PLA2G4A: variants seen among roughly 807,000 people sequenced by gnomAD.
PLA2G4A encodes the protein cytosolic phospholipase A2.
In PLA2G4A, 40 loss-of-function variants were observed where a neutral mutation model predicts 81.9. The ratio of observed to expected loss-of-function variants is 0.49; its 90% CI spans 0.38 to 0.64. The LOEUF (loss-of-function observed/expected upper bound fraction) is 0.64, where lower values mean the gene tolerates loss of function less well. PLA2G4A is among the 30% of genes least tolerant of loss of function. The pLI, the probability that PLA2G4A is intolerant of heterozygous loss-of-function variation, is 0.00. For missense variants in PLA2G4A, 715 were observed against 905.1 expected (o/e 0.79, Z 2.69); for synonymous variants, 302 against 296.9 (o/e 1.02, Z -0.18).
intron 5 of PLA2G4A, among the ~76,000 whole-genome samples, chr1:186,897,257 G>A (rs1052302024): frequency 1.3e-5 from 2 of 152,174 alleles, no homozygotes; most frequent in African/African-American, 2.4e-5. Context: ...TCCAAATGGA[G>A]ATGGGCAGAT....
rs1343002026 is a variant in PLA2G4A, at chr1:186,863,849, C to CAT, written c.34-6586_34-6585insAT. 2.6e-5 allele frequency among the ~76,000 whole-genome samples: 4 copies of CAT among 152,052 alleles called. No individual in the cohort carries two copies. The East Asian group carries it at 7.7e-4, about 29-fold the overall frequency. ...GATCTCAGCTCACTGTAACCTCCGC[C>CAT]TCCCGGGTTCAAGCCATTATCCTGT... On this transcript the variant is annotated intron_variant, in intron 2 of 17. Transcript: ENST00000367466.
In PLA2G4A at chr1:186,867,012, T is replaced by C. The variant is rs188920554; in HGVS notation, c.34-3423T>C. On this transcript the variant is annotated intron_variant, in intron 2 of 17. Transcript: ENST00000367466. ...CAAAGATCAGTTGACTTTATTTATG[T>C]GCGTCTGTTTTCTGTTCCATTGATC... Among the ~76,000 whole-genome samples, 575 of 152,290 alleles carry C rather than the reference T, an allele frequency of 3.8e-3. 7 individuals carry two copies. Among genetic ancestry groups the C allele is most frequent in the African/African-American group, 0.013 (544 of 41,578 alleles).
intron 14 of PLA2G4A, among the ~76,000 whole-genome samples, chr1:186,960,863 A>G (rs1656918255): frequency 2.0e-5 from 3 of 152,198 alleles, no homozygotes; most frequent in Admixed American, 6.5e-5. Context: ...GGAATGCGCA[A>G]TGTAATTGGC....
At chr1:186,852,178 C>T (rs1652399459) in intron 1 of PLA2G4A, among the ~76,000 whole-genome samples, 1 of 151,908 alleles carries the variant, frequency 6.6e-6, no homozygotes, top group South Asian at 2.1e-4. Context: ...CACAAAAAAC[C>T]TGCCTTCATA....
intron 14 of PLA2G4A, among the ~76,000 whole-genome samples, chr1:186,960,606 A>T (rs1308237420): frequency 6.6e-6 from 1 of 152,224 alleles, no homozygotes; most frequent in Admixed American, 6.5e-5. Context: ...ATACAATGAG[A>T]TACCCTACTG....
chr1:186,976,652 G>C (rs1268129944), intron 15 of PLA2G4A, among the ~76,000 whole-genome samples: 1 of 152,134 alleles, frequency 6.6e-6, no homozygotes, highest in Non-Finnish European at 1.5e-5. Context: ...CTCCCACTAT[G>C]ATATTCTGCT....
At chr1:186,857,164 T>C (rs1321057057) in intron 2 of PLA2G4A, among the ~76,000 whole-genome samples, 1 of 1,344 alleles carries the variant, frequency 7.4e-4, no homozygotes, top group African/African-American at 5.0e-3. Flanking sequence ...CATAATATAA[T>C]ATAATTATAT....
chr1:186,916,526 G>A (rs568925611), intron 7 of PLA2G4A, among the ~76,000 whole-genome samples: 3 of 152,220 alleles, frequency 2.0e-5, no homozygotes, highest in Admixed American at 2.0e-4. Context: ...GATAGCACAG[G>A]CATCAAATTT....
chr1:186,924,074 A>G (rs1655458920), intron 7 of PLA2G4A, among the ~76,000 whole-genome samples: 1 of 152,132 alleles, frequency 6.6e-6, no homozygotes, highest in African/African-American at 2.4e-5. Flanking sequence ...TATGGATCCT[A>G]AGCTCCTCTT....
intron 1 of PLA2G4A, among the ~76,000 whole-genome samples, chr1:186,839,440 A>T (rs193035399): frequency 2.0e-5 from 3 of 152,304 alleles, no homozygotes; most frequent in East Asian, 3.9e-4. Context: ...CCTCCTGTCA[A>T]ATTTCTCATT....
chr1:186,868,320 C>T (rs906099257), intron 2 of PLA2G4A, among the ~76,000 whole-genome samples: 7 of 152,024 alleles, frequency 4.6e-5, no homozygotes, highest in East Asian at 1.9e-4. Context: ...TCAGGTGATC[C>T]GCCCGCTTCC....
At chr1:186,906,531 T>G (rs1654742867) in intron 5 of PLA2G4A, among the ~76,000 whole-genome samples, 1 of 152,228 alleles carries the variant, frequency 6.6e-6, no homozygotes, top group Non-Finnish European at 1.5e-5. Context: ...ATTATACATG[T>G]GTGAACTTTC....
At chr1:186,864,926 C>A in intron 2 of PLA2G4A, among the ~76,000 whole-genome samples, 1 of 150,922 alleles carries the variant, frequency 6.6e-6, no homozygotes. Flanking sequence ...AATCCCATCT[C>A]TACAAAAACA....
intron 7 of PLA2G4A, among the ~76,000 whole-genome samples, chr1:186,912,001 A>G (rs1024968090): frequency 1.3e-5 from 2 of 152,092 alleles, no homozygotes; most frequent in African/African-American, 4.8e-5. Context: ...GAGAAAAGGG[A>G]TGTCTCAGTT....
At chr1:186,929,332 A>G (rs981730250) in intron 7 of PLA2G4A, among the ~76,000 whole-genome samples, 10 of 152,248 alleles carry the variant, frequency 6.6e-5, no homozygotes, top group Admixed American at 3.9e-4. Flanking sequence ...ATTAAATGAA[A>G]TAAATTGTGT....
intron 3 of PLA2G4A, among the ~76,000 whole-genome samples, chr1:186,877,528 C>T (rs10752980): frequency 6.6e-6 from 1 of 151,692 alleles, no homozygotes; most frequent in Non-Finnish European, 1.5e-5. Context: ...ACCCTTCTTT[C>T]TCAGCTTGAG....
intron 3 of PLA2G4A, among the ~76,000 whole-genome samples, chr1:186,878,619 A>C (rs1246650813): frequency 1.3e-5 from 2 of 151,810 alleles, no homozygotes; most frequent in Non-Finnish European, 2.9e-5. Context: ...TGTGTTAGTA[A>C]GGCACTGTTG....
chr1:186,855,015 G>A (rs1305812855), intron 2 of PLA2G4A, among the ~76,000 whole-genome samples: 2 of 151,966 alleles, frequency 1.3e-5, no homozygotes, highest in Non-Finnish European at 2.9e-5. Flanking sequence ...TATTTAAGGA[G>A]TAATCCATAG....
Position 186,988,465 on chromosome 1 carries a change from G to GAAGATT in PLA2G4A, c.2208_2213dup (p.Arg737_Phe738insLeuArg). On this transcript the variant is annotated inframe_insertion, in exon 18 of 18. Transcript: ENST00000367466. ...GTTTCCCTTAGTAATGTTGAGGCAAGAAGATTTTTCAACAAGGAGTTTCTA... is the reference window on the plus strand; with the variant it reads ...GTTTCCCTTAGTAATGTTGAGGCAAGAAGATTAAGATTTTTCAACAAGGAGTTTCTA... The GAAGATT allele has an allele frequency of 6.2e-7, 1 of 1,612,200 alleles. No individual in the cohort carries two copies. Among genetic ancestry groups the GAAGATT allele is most frequent in the Non-Finnish European group, 8.5e-7 (1 of 1,178,470 alleles).
Sources: allele counts gnomAD v4.1 joint callset (sites outside exome capture counted in the v4.1 genomes callset), GRCh38; gene constraint gnomAD v4.1.1; transcripts MANE v1.5; gene names NCBI Gene and HGNC (gene_info 2026-07-23, HGNC 2026-07-21).